Variants in DDX11 observed in about 807,000 individuals in gnomAD.
The protein encoded by DDX11 is DEAD/H-box helicase 11, also known as ATP-dependent DNA helicase DDX11.
Under a neutral mutation model 125.2 loss-of-function variants are expected in DDX11, and 72 were observed. The ratio of observed to expected loss-of-function variants is 0.58; its 90% CI spans 0.48 to 0.70. The LOEUF (loss-of-function observed/expected upper bound fraction) is 0.70, where lower values mean the gene tolerates loss of function less well. Ranked by LOEUF, DDX11 falls within the 30% of genes least tolerant of loss-of-function variation. The pLI is 0.00. For missense variants in DDX11, 883 were observed against 1,165.0 expected, an observed-to-expected ratio of 0.76 and a Z score of 3.52; for synonymous variants, 347 against 452.6, an observed-to-expected ratio of 0.77 and a Z score of 2.96.
At position 31,096,713 on chromosome 12, in the gene DDX11, T is replaced by C; in HGVS notation, c.1598T>C (p.Phe533Ser). 1 of 1,614,098 alleles carries C rather than the reference T, an allele frequency of 6.2e-7. No homozygotes were observed. The highest frequency in any genetic ancestry group is 1.7e-5 in the Admixed American group (1 of 60,014). ...CCCAAACTGGCTGGGTTTCAGCAAT[T>C]CCTGCAGAGCCTGCAGCCCAGGACG... ...EQPKLAGFQQ[F>S]LQSLQPRTTE... Residue 533 changes from phenylalanine to serine, a missense_variant, in exon 16 of 27, where the codon TTC (phenylalanine) becomes TCC (serine). By Grantham distance (155) the Phe-to-Ser change is radical. Around this residue, in one of 5 missense-constraint regions of DDX11, gnomAD observed 241 missense variants for 279.7 expected, o/e 0.86. Transcript: ENST00000542838.
At chr12:31,089,295 C>G in intron 7 of DDX11, 108 bp from the exon 8 acceptor site, 1 of 1,424,694 alleles carries the variant, frequency 7.0e-7, no homozygotes, top group East Asian at 2.3e-5. Flanking sequence ...CCTGGCCGGC[C>G]CAGCACTGGA....
rs1017835464 is a variant in DDX11 at position 31,085,274 on chromosome 12, G to A, written c.638+148G>A. 16 of 1,130,076 alleles carry A rather than the reference G, an allele frequency of 1.4e-5. No individual in the cohort carries two copies. In the African/African-American group the frequency reaches 2.3e-4, roughly 17 times the overall value. The allele number at this position is 1,130,076 out of a possible 1,614,324, so 70.0% of individuals were successfully genotyped here. ...TGCTCTAAGCCGGGTCCTTCCTAGG[G>A]TCCATGAGTGCCAGTGGCAGTGAGG... On this transcript the variant is annotated intron_variant, in intron 5 of 26. Coordinates refer to ENST00000542838, the MANE Select transcript of DDX11 (RefSeq NM_030653.4).
chr12:31,095,412 C>T (rs1208316928), intron 14 of DDX11, among the ~76,000 whole-genome samples: 5 of 152,214 alleles, frequency 3.3e-5, no homozygotes, highest in African/African-American at 9.6e-5. Context: ...GTGGAGGTGA[C>T]TTCAGGAGGG....
In DDX11 at chr12:31,099,080, C is replaced by CT. The variant is rs1467965765; in HGVS notation, c.1875+1086dup. On this transcript the variant is annotated intron_variant, in intron 18 of 26. Coordinates refer to ENST00000542838, the MANE Select transcript of DDX11 (RefSeq NM_030653.4). ...AATCCATACTGGTATTTCTTTCTTT[C>CT]TTTCTTTTTTTTTTTTTTTTTTTTT... Among the ~76,000 whole-genome samples the CT allele has an allele frequency of 3.0e-4, 24 of 81,308 alleles. 1 individual carries two copies. The highest frequency in any genetic ancestry group is 1.7e-3 in the East Asian group (4 of 2,358). 53.3% of individuals were successfully genotyped at this position (81,308 alleles called of 152,430 possible).
At chr12:31,101,322 C>G in intron 20 of DDX11, 192 bp downstream of exon 20, 1 of 634,170 alleles carries the variant, frequency 1.6e-6, no homozygotes, top group Non-Finnish European at 2.9e-6. Context: ...GCTTCCCCGC[C>G]CCTCACGCCT....
At chr12:31,082,347 C>G (rs200875125) in intron 2 of DDX11, among the ~76,000 whole-genome samples, 1,981 of 116,072 alleles carry the variant, frequency 0.017, no homozygotes, top group East Asian at 0.05. Context: ...TGCACCAGCT[C>G]TATGAGGAAG....
rs775372296 is a variant in DDX11, at chr12:31,103,891, A to G, written c.*55A>G. 4.3e-6 allele frequency: 7 copies of G among 1,613,878 alleles called. No homozygotes were observed. The South Asian group carries it at 7.7e-5, about 18-fold the overall frequency. ...GCCCTTCCTTTGTCCTGCCCGCTGG[A>G]GACAGTGTTTGTCGTGGGCGTGGTC... On this transcript the variant is annotated 3_prime_UTR_variant, in exon 27 of 27. Transcript: ENST00000542838.
At position 31,078,923 on chromosome 12, in the gene DDX11, G is replaced by A. The variant is rs1329760311; in HGVS notation, c.144+386G>A. Among the ~76,000 whole-genome samples, 6 of 152,124 alleles carry A rather than the reference G, an allele frequency of 3.9e-5. No individual in the cohort carries two copies. In the East Asian group the frequency reaches 5.8e-4, roughly 15 times the overall value. ...AGGATGATCTCAGTCTTCTGACCTCGTGATCCGCCCGCTTCGGCCTCCCAA... is the reference window on the plus strand; with the variant it reads ...AGGATGATCTCAGTCTTCTGACCTCATGATCCGCCCGCTTCGGCCTCCCAA... On this transcript the variant is annotated intron_variant, in intron 2 of 26. Transcript: ENST00000542838.
chr12:31,097,193 C>G (rs1233001670), intron 17 of DDX11, among the ~76,000 whole-genome samples: 1 of 146,032 alleles, frequency 6.8e-6, no homozygotes, highest in Non-Finnish European at 1.5e-5. Context: ...GATGGGGGTC[C>G]CGTGACCAGG....
intron 2 of DDX11, among the ~76,000 whole-genome samples, chr12:31,080,031 GT>G: frequency 7.8e-6 from 1 of 128,540 alleles, no homozygotes; most frequent in Non-Finnish European, 1.6e-5. Context: ...GTATACGTCC[GT>G]TTGGAGGCTT....
chr12:31,084,717 T>C (rs1942730233), intron 4 of DDX11, 48 bp downstream of exon 4: 1 of 1,542,284 alleles, frequency 6.5e-7, no homozygotes. Flanking sequence ...GCAGGGTTGC[T>C]CTGCTTGGAG....
chr12:31,099,084 C>CTT (rs763612105), intron 18 of DDX11, among the ~76,000 whole-genome samples: 39 of 63,680 alleles, frequency 6.1e-4, no homozygotes, highest in Admixed American at 1.8e-3. Context: ...TTCTTTCTTT[C>CTT]TTTTTTTTTT....
In DDX11 at chr12:31,083,969, G is replaced by A. The variant is rs1283162624; in HGVS notation, c.301G>A (p.Ala101Thr). The change falls in exon 3 of 27, where the codon GCT becomes ACT. Residue 101 changes from alanine (A) to threonine (T), a missense_variant. Coordinates refer to ENST00000542838, the MANE Select transcript of DDX11 (RefSeq NM_030653.4). ...SLCLSSSCEG[A>T]AGTPRPAGEP... ...GTGTCTGTCTTCTTCCTGCGAAGGG[G>A]CTGCAGGCACCCCGAGGCCTGCTGG... 5.0e-6 allele frequency: 8 copies of A among 1,613,966 alleles called. No individual in the cohort carries two copies. Among genetic ancestry groups the A allele is most frequent in the South Asian group, 2.2e-5 (2 of 91,068 alleles).
At chr12:31,102,058 C>T (rs925731802) in intron 21 of DDX11, 76 bp downstream of exon 21, 38 of 1,574,018 alleles carry the variant, frequency 2.4e-5, no homozygotes, top group East Asian at 1.2e-4. Flanking sequence ...TCGTGCTCAT[C>T]GGGTCAGGAC....
intron 21 of DDX11, 65 bp downstream of exon 21, chr12:31,102,047 C>T (rs118090038): frequency 0.021 from 33,254 of 1,590,092 alleles, 461 homozygotes; most frequent in South Asian, 0.031. Flanking sequence ...CCTGGGAGCT[C>T]TCGTGCTCAT....
chr12:31,098,388 C>T (rs570215093), intron 18 of DDX11, among the ~76,000 whole-genome samples: 2 of 152,396 alleles, frequency 1.3e-5, no homozygotes, highest in South Asian at 4.1e-4. Context: ...AAAAGTACGG[C>T]TCCCTCCATG....
In DDX11 at chr12:31,077,705, G is replaced by A. The variant is rs1266824460; in HGVS notation, c.-4-685G>A. On this transcript the variant is annotated intron_variant, in intron 1 of 26. Coordinates refer to ENST00000542838, the MANE Select transcript of DDX11 (RefSeq NM_030653.4). ...TACCAAAAAAAAAAATTAGCTGGGCGTGGTGGCGGGCACCTGTAGTCCCAG... is the reference window on the plus strand; with the variant it reads ...TACCAAAAAAAAAAATTAGCTGGGCATGGTGGCGGGCACCTGTAGTCCCAG... Among the ~76,000 whole-genome samples, 25 of 152,104 alleles carry A rather than the reference G, an allele frequency of 1.6e-4. 1 individual carries two copies. Among genetic ancestry groups the A allele is most frequent in the Admixed American group, 4.6e-4 (7 of 15,274 alleles).
chr12:31,084,460 T>G (rs980905512), intron 3 of DDX11, 123 bp from the exon 4 acceptor site: 2 of 898,676 alleles, frequency 2.2e-6, no homozygotes, highest in East Asian at 5.3e-5. Flanking sequence ...AGCCCTTGAG[T>G]GCTGGCCGGG....
intron 9 of DDX11, 141 bp downstream of exon 9, chr12:31,090,235 A>G: frequency 3.5e-6 from 3 of 859,652 alleles, no homozygotes; most frequent in Non-Finnish European, 3.8e-6. Flanking sequence ...TTCTCTCCTG[A>G]TGTGTGAGTT....
Sources: allele counts gnomAD v4.1 joint callset (sites outside exome capture counted in the v4.1 genomes callset), GRCh38; gene constraint gnomAD v4.1.1; regional missense constraint gnomAD v4.1.1; transcripts MANE v1.5; gene names NCBI Gene and HGNC (gene_info 2026-07-23, HGNC 2026-07-21).